Variants in NDST4 observed in about 807,000 individuals in gnomAD.
NDST4 encodes N-heparan sulfate sulfotransferase 4.
Under a neutral mutation model 100.8 loss-of-function variants are expected in NDST4, and 63 were observed. The observed-to-expected ratio is 0.62, with a 90% confidence interval of 0.51 to 0.77. The LOEUF is 0.77. Ranked by LOEUF, NDST4 falls within the 30% of genes least tolerant of loss-of-function variation. The pLI is 0.00. For synonymous variants in NDST4, 377 were observed against 361.8 expected (o/e 1.04, Z -0.48); for missense variants, 943 against 1,018.4 (o/e 0.93, Z 1.01).
At position 115,100,731 on chromosome 4, in the gene NDST4, C is replaced by T. The variant is rs1006953751; in HGVS notation, c.-247+12713G>A. Among the ~76,000 whole-genome samples, 9 of 151,978 alleles carry T rather than the reference C, an allele frequency of 5.9e-5. No homozygotes were observed. In the East Asian group the frequency reaches 1.7e-3, roughly 29 times the overall value. ...CCTGTTTCTCTACTCTTCAATTTCC[C>T]TGCACCCCAAAGCACGGAGAATTTC... On this transcript the variant is annotated intron_variant, in intron 1 of 13. Coordinates refer to ENST00000264363, the MANE Select transcript of NDST4 (RefSeq NM_022569.3).
chr4:114,924,456 G>GAA (rs796235650), intron 6 of NDST4, among the ~76,000 whole-genome samples: 1 of 142,864 alleles, frequency 7.0e-6, no homozygotes, highest in Non-Finnish European at 1.5e-5. Flanking sequence ...GAAGATAAAG[G>GAA]AAAAAAAAAA....
intron 6 of NDST4, among the ~76,000 whole-genome samples, chr4:114,921,172 A>G (rs1252330299): frequency 6.6e-6 from 1 of 152,220 alleles, no homozygotes; most frequent in Non-Finnish European, 1.5e-5. Flanking sequence ...ACGTTTGCCA[A>G]AAACATCTGA....
intron 8 of NDST4, among the ~76,000 whole-genome samples, chr4:114,851,092 T>G (rs1363541143): frequency 6.6e-6 from 1 of 152,158 alleles, no homozygotes; most frequent in Non-Finnish European, 1.5e-5. Flanking sequence ...GGGAACCACT[T>G]TTGTACCTCA....
At chr4:115,031,197 G>A (rs1241944284) in intron 2 of NDST4, among the ~76,000 whole-genome samples, 1 of 152,042 alleles carries the variant, frequency 6.6e-6, no homozygotes, top group Non-Finnish European at 1.5e-5. Flanking sequence ...GAGAGAAAGG[G>A]GAGTGGTCTG....
intron 9 of NDST4, among the ~76,000 whole-genome samples, chr4:114,847,309 G>A (rs1723570923): frequency 8.0e-6 from 1 of 124,624 alleles, no homozygotes; most frequent in Non-Finnish European, 1.5e-5. Context: ...CCGGGAGGCG[G>A]AGCTTGCAGT....
intron 2 of NDST4, among the ~76,000 whole-genome samples, chr4:115,003,649 T>C (rs1156424838): frequency 2.6e-5 from 4 of 152,098 alleles, no homozygotes; most frequent in African/African-American, 7.2e-5. Flanking sequence ...AGACAAATCA[T>C]GAGGTCAGGA....
chr4:115,081,988 T>C (rs1448346597), intron 1 of NDST4, among the ~76,000 whole-genome samples: 4 of 152,076 alleles, frequency 2.6e-5, no homozygotes, highest in Non-Finnish European at 5.9e-5. Flanking sequence ...AATAAATCTT[T>C]CGTTAAAAAT....
chr4:114,852,849 A>C, intron 7 of NDST4, 28 bp from the exon 8 acceptor site: 6 of 1,476,680 alleles, frequency 4.1e-6, no homozygotes, highest in Admixed American at 1.7e-5. Flanking sequence ...AAGTAACCTC[A>C]CAGTGTAATG....
chr4:114,838,685 G>A (rs368880339), intron 11 of NDST4, among the ~76,000 whole-genome samples: 14 of 152,196 alleles, frequency 9.2e-5, no homozygotes, highest in East Asian at 1.9e-4. Context: ...GGGGCAAGGC[G>A]AGGGATAGCA....
chr4:115,109,380 T>C (rs1014158045), intron 1 of NDST4, among the ~76,000 whole-genome samples: 2 of 151,912 alleles, frequency 1.3e-5, no homozygotes, highest in Non-Finnish European at 2.9e-5. Flanking sequence ...ATTTGCAAAA[T>C]AGAGAAATTC....
intron 4 of NDST4, among the ~76,000 whole-genome samples, chr4:114,967,972 A>G (rs1331952896): frequency 6.6e-6 from 1 of 152,178 alleles, no homozygotes; most frequent in Non-Finnish European, 1.5e-5. Context: ...AGTTTTATAA[A>G]TGGAGAAACA....
intron 6 of NDST4, among the ~76,000 whole-genome samples, chr4:114,879,368 T>C (rs574825599): frequency 6.6e-6 from 1 of 152,276 alleles, no homozygotes; most frequent in East Asian, 1.9e-4. Flanking sequence ...TTTGTTTCAT[T>C]TTCAAAAGTT....
intron 6 of NDST4, among the ~76,000 whole-genome samples, chr4:114,875,493 T>A (rs958922956): frequency 1.3e-5 from 2 of 152,190 alleles, no homozygotes; most frequent in Non-Finnish European, 2.9e-5. Context: ...AAAGGAAGGT[T>A]TATGTATCAA....
chr4:114,914,411 T>A (rs1208069195), intron 6 of NDST4, among the ~76,000 whole-genome samples: 1 of 152,086 alleles, frequency 6.6e-6, no homozygotes, highest in Admixed American at 6.6e-5. Flanking sequence ...CATCCCTGAA[T>A]CAAAATATCT....
intron 7 of NDST4, among the ~76,000 whole-genome samples, chr4:114,854,204 A>G (rs1235704138): frequency 6.6e-6 from 1 of 152,166 alleles, no homozygotes; most frequent in Non-Finnish European, 1.5e-5. Context: ...TTAAGTTCTC[A>G]CAAATGCATG....
At chr4:114,911,266 A>C (rs774425630) in intron 6 of NDST4, among the ~76,000 whole-genome samples, 13 of 152,018 alleles carry the variant, frequency 8.6e-5, no homozygotes, top group Non-Finnish European at 1.8e-4. Context: ...AGCCAACCAG[A>C]CCTCTGGAGG....
At chr4:114,978,577 T>C in intron 2 of NDST4, among the ~76,000 whole-genome samples, 1 of 152,092 alleles carries the variant, frequency 6.6e-6, no homozygotes, top group East Asian at 1.9e-4. Context: ...GAGATTAAAC[T>C]AAATATTAAA....
intron 1 of NDST4, among the ~76,000 whole-genome samples, chr4:115,102,302 A>AC (rs1158559043): frequency 6.6e-6 from 1 of 152,030 alleles, no homozygotes; most frequent in Non-Finnish European, 1.5e-5. Context: ...AGATACAGAG[A>AC]CAAGTGAATG....
chr4:114,850,919 C>A (rs2126188266), intron 8 of NDST4, among the ~76,000 whole-genome samples: 1 of 152,254 alleles, frequency 6.6e-6, no homozygotes, highest in African/African-American at 2.4e-5. Context: ...AGTCTAAGGT[C>A]TCTAAGTCTA....
Sources: allele counts gnomAD v4.1 joint callset (sites outside exome capture counted in the v4.1 genomes callset), GRCh38; gene constraint gnomAD v4.1.1; transcripts MANE v1.5; gene names NCBI Gene and HGNC (gene_info 2026-07-23, HGNC 2026-07-21).